The following GALNT17 variants were observed in gnomAD, a reference collection of about 807,000 sequenced individuals.
GALNT17 encodes the protein UDP-GalNAc:polypeptide N-acetylgalactosaminyltransferase-like 3.
GALNT17 carries 29 observed loss-of-function variants against 63.7 expected under a neutral mutation model. That is an observed-to-expected ratio of 0.46 (90% CI 0.34 to 0.62). GALNT17 has a LOEUF of 0.62. Ranked by LOEUF, GALNT17 falls within the 20% of genes least tolerant of loss-of-function variation. GALNT17 has a pLI of 0.01. For synonymous variants in GALNT17, 305 were observed against 318.3 expected (o/e 0.96, Z 0.45); for missense variants, 603 against 799.6 (o/e 0.75, Z 2.97).
chr7:71,252,345 T>G (rs1790214114), intron 1 of GALNT17, among the ~76,000 whole-genome samples: 2 of 151,698 alleles, frequency 1.3e-5, no homozygotes, highest in Admixed American at 1.3e-4. Context: ...GCCAACATGA[T>G]GAAACCCTGT....
chr7:71,414,490 T>G (rs1352863204), intron 3 of GALNT17, among the ~76,000 whole-genome samples: 1 of 152,158 alleles, frequency 6.6e-6, no homozygotes, highest in Non-Finnish European at 1.5e-5. Flanking sequence ...CCAAAGCTCT[T>G]TAGATGTGAG....
intron 9 of GALNT17, among the ~76,000 whole-genome samples, chr7:71,682,248 C>T (rs6973391): frequency 0.75 from 113,540 of 151,968 alleles, 42,568 homozygotes; most frequent in South Asian, 0.85. Context: ...TTTTTAAAGC[C>T]ACTCAGGAAG....
intron 6 of GALNT17, among the ~76,000 whole-genome samples, chr7:71,657,275 A>G (rs186997958): frequency 1.1e-4 from 17 of 152,356 alleles, no homozygotes; most frequent in African/African-American, 3.6e-4. Context: ...TTGGATTTCT[A>G]TATATCTAAA....
chr7:71,593,773 A>G (rs1361101880), intron 6 of GALNT17, among the ~76,000 whole-genome samples: 1 of 152,034 alleles, frequency 6.6e-6, no homozygotes, highest in Non-Finnish European at 1.5e-5. Flanking sequence ...GCGTTGGACA[A>G]CTCCACAAAT....
intron 1 of GALNT17, among the ~76,000 whole-genome samples, chr7:71,259,425 G>A (rs773813865): frequency 2.6e-5 from 4 of 152,106 alleles, no homozygotes; most frequent in South Asian, 2.1e-4. Flanking sequence ...TAGAGAAGTC[G>A]TATCAATTGC....
intron 1 of GALNT17, among the ~76,000 whole-genome samples, chr7:71,171,618 T>G (rs1420182663): frequency 6.6e-6 from 1 of 152,238 alleles, no homozygotes; most frequent in Non-Finnish European, 1.5e-5. Flanking sequence ...ATTCTGAAGT[T>G]TCTGTGCTAT....
intron 5 of GALNT17, among the ~76,000 whole-genome samples, chr7:71,448,495 T>C (rs1787198428): frequency 6.6e-6 from 1 of 152,140 alleles, no homozygotes; most frequent in African/African-American, 2.4e-5. Flanking sequence ...TGTCTGTATT[T>C]CTGGGGTATT....
At chr7:71,266,287 T>C (rs1277862545) in intron 1 of GALNT17, among the ~76,000 whole-genome samples, 1 of 152,130 alleles carries the variant, frequency 6.6e-6, no homozygotes, top group Admixed American at 6.5e-5. Context: ...TTATCTCAAA[T>C]TGTAATCCCT....
intron 6 of GALNT17, among the ~76,000 whole-genome samples, chr7:71,663,300 A>C (rs1380239345): frequency 6.6e-6 from 1 of 152,178 alleles, no homozygotes. Flanking sequence ...CCATCTTGAC[A>C]ATGTTAATTC....
intron 2 of GALNT17, among the ~76,000 whole-genome samples, chr7:71,378,050 C>T (rs1043077421): frequency 6.6e-6 from 1 of 152,132 alleles, no homozygotes; most frequent in Non-Finnish European, 1.5e-5. Flanking sequence ...CTCCATAGAC[C>T]ACAAAATATC....
At chr7:71,428,806 G>A (rs1438846772) in intron 5 of GALNT17, among the ~76,000 whole-genome samples, 1 of 152,158 alleles carries the variant, frequency 6.6e-6, no homozygotes, top group Non-Finnish European at 1.5e-5. Flanking sequence ...TCTGGGATTT[G>A]CACACCTTTG....
At chr7:71,363,301 A>G (rs1208522830) in intron 2 of GALNT17, among the ~76,000 whole-genome samples, 1 of 152,156 alleles carries the variant, frequency 6.6e-6, no homozygotes, top group Non-Finnish European at 1.5e-5. Context: ...AATGTACTCA[A>G]TAAGCAATAG....
intron 9 of GALNT17, among the ~76,000 whole-genome samples, chr7:71,693,871 G>A (rs1791499947): frequency 6.6e-6 from 1 of 151,626 alleles, no homozygotes; most frequent in Admixed American, 6.6e-5. Flanking sequence ...TTGTAAAGCT[G>A]GAGCAAGACC....
At chr7:71,254,455 T>G (rs754254448) in intron 1 of GALNT17, among the ~76,000 whole-genome samples, 1 of 152,198 alleles carries the variant, frequency 6.6e-6, no homozygotes, top group Non-Finnish European at 1.5e-5. Context: ...GGAAATATAT[T>G]TTGGGGTAAA....
chr7:71,461,195 AT>A (rs1366448164), intron 5 of GALNT17, among the ~76,000 whole-genome samples: 1 of 151,846 alleles, frequency 6.6e-6, no homozygotes, highest in East Asian at 1.9e-4. Context: ...GCAGCAACCC[AT>A]TTTTCTAGGT....
chr7:71,240,978 C>G (rs1789985955), intron 1 of GALNT17, among the ~76,000 whole-genome samples: 1 of 152,052 alleles, frequency 6.6e-6, no homozygotes, highest in Non-Finnish European at 1.5e-5. Flanking sequence ...TTTATCCAGT[C>G]CACTGTTGAT....
At chr7:71,141,320 T>C (rs1249869607) in intron 1 of GALNT17, among the ~76,000 whole-genome samples, 3 of 151,520 alleles carry the variant, frequency 2.0e-5, no homozygotes, top group Admixed American at 2.0e-4. Flanking sequence ...TGAACCGAGA[T>C]TGTGCCATTG....
chr7:71,297,738 G>C (rs938113397), intron 1 of GALNT17, among the ~76,000 whole-genome samples: 2 of 152,192 alleles, frequency 1.3e-5, no homozygotes, highest in Admixed American at 6.5e-5. Context: ...ATTCTATAGA[G>C]TACCATTCAG....
intron 1 of GALNT17, among the ~76,000 whole-genome samples, chr7:71,245,467 T>G (rs1032633523): frequency 6.6e-6 from 1 of 152,154 alleles, no homozygotes; most frequent in Non-Finnish European, 1.5e-5. Flanking sequence ...GTCCTTGGGA[T>G]GTTTGGAAAA....
Sources: gnomAD v4.1 joint callset for allele counts (sites outside exome capture counted in the v4.1 genomes callset) on GRCh38, gnomAD v4.1.1 for gene constraint, MANE v1.5 for transcripts, NCBI Gene and HGNC (gene_info 2026-07-23, HGNC 2026-07-21) for gene names.